Variants in RSPRY1 observed in about 807,000 individuals in gnomAD.
RSPRY1 encodes RING finger and SPRY domain-containing protein 1.
Under a neutral mutation model 73.1 loss-of-function variants are expected in RSPRY1, and 23 were observed. The observed-to-expected ratio is 0.31, with a 90% CI of 0.23 to 0.45. The LOEUF (loss-of-function observed/expected upper bound fraction) is 0.45. RSPRY1 is among the 20% of genes least tolerant of loss of function. The probability of loss-of-function intolerance (pLI) is 1.00; values close to 1 mark genes in which losing one functional copy is unlikely to be tolerated. For synonymous variants in RSPRY1, 226 were observed against 251.4 expected (o/e 0.90, Z 0.95); for missense variants, 448 against 698.7 (o/e 0.64, Z 4.05).
chr16:57,230,751 A>G lies in RSPRY1; in HGVS notation c.1314A>G (p.Gln438=), dbSNP rs1451448430. 1 of 1,611,528 alleles carries G rather than the reference A, an allele frequency of 6.2e-7. No individual in the cohort carries two copies. The highest frequency in any genetic ancestry group is 1.7e-5 in the Admixed American group (1 of 60,024). ...VGFLLDLNEK[Q]MIFFLNGNQL... Reference sequence around the variant, plus strand: ...TTCTGTTAGACTTGAATGAAAAGCAAATGATCTTCTTTTTAAATGGCAACC... The same window carrying G: ...TTCTGTTAGACTTGAATGAAAAGCAGATGATCTTCTTTTTAAATGGCAACC... Residue 438 remains glutamine (Q), a synonymous_variant, in exon 12 of 15, where the codon CAA becomes CAG. Coordinates refer to ENST00000394420, the MANE Select transcript of RSPRY1 (RefSeq NM_133368.3).
intron 8 of RSPRY1, among the ~76,000 whole-genome samples, chr16:57,218,805 G>A (rs2074986027): frequency 1.0e-5 from 1 of 99,714 alleles, no homozygotes; most frequent in Admixed American, 1.3e-4. Flanking sequence ...GCGGGATCTC[G>A]GCTCACTGCA....
chr16:57,232,802 A>G (rs1304870993), intron 13 of RSPRY1, among the ~76,000 whole-genome samples: 1 of 152,182 alleles, frequency 6.6e-6, no homozygotes, highest in Non-Finnish European at 1.5e-5. Flanking sequence ...TAAATTTGGT[A>G]CCCAAAGTTC....
chr16:57,211,482 T>C (rs2074843092), intron 4 of RSPRY1, among the ~76,000 whole-genome samples: 1 of 152,108 alleles, frequency 6.6e-6, no homozygotes, highest in South Asian at 2.1e-4. Context: ...GGCAGGAGAA[T>C]CACTTGAACT....
At chr16:57,190,129 C>T (rs537129542) in intron 1 of RSPRY1, among the ~76,000 whole-genome samples, 102 of 152,036 alleles carry the variant, frequency 6.7e-4, no homozygotes, top group Non-Finnish European at 1.3e-3. Context: ...ACACTTTGGG[C>T]GGCCAAGGCG....
At chr16:57,221,231 A>G (rs368358320) in intron 9 of RSPRY1, 41 bp from the exon 10 acceptor site, 72 of 1,608,002 alleles carry the variant, frequency 4.5e-5, no homozygotes, top group Middle Eastern at 3.9e-4. Flanking sequence ...GGTGGTCTTC[A>G]GGCCCTCATA....
At chr16:57,216,881 A>C (rs1434980533) in intron 7 of RSPRY1, 23 bp from the exon 8 acceptor site, 3 of 1,607,602 alleles carry the variant, frequency 1.9e-6, no homozygotes, top group Non-Finnish European at 2.6e-6. Context: ...TTGTTAATTC[A>C]AGGATTATGT....
intron 2 of RSPRY1, among the ~76,000 whole-genome samples, chr16:57,205,976 T>TA (rs1341311234): frequency 1.3e-5 from 2 of 152,240 alleles, no homozygotes; most frequent in African/African-American, 4.8e-5. Flanking sequence ...TAATCGCATT[T>TA]ATAGAAACCC....
intron 1 of RSPRY1, among the ~76,000 whole-genome samples, chr16:57,199,285 G>A (rs2146201794): frequency 6.6e-6 from 1 of 152,326 alleles, no homozygotes; most frequent in Middle Eastern, 3.4e-3. Flanking sequence ...ACGAAGTCAA[G>A]AGTTTGAGAC....
intron 6 of RSPRY1, among the ~76,000 whole-genome samples, chr16:57,215,215 A>G (rs1441496646): frequency 6.6e-6 from 1 of 152,230 alleles, no homozygotes; most frequent in Non-Finnish European, 1.5e-5. Flanking sequence ...GCAGAAGTCC[A>G]GAGACAGAGA....
chr16:57,235,901 C>A (rs1475383300), intron 14 of RSPRY1, among the ~76,000 whole-genome samples: 3 of 152,210 alleles, frequency 2.0e-5, no homozygotes, highest in African/African-American at 7.2e-5. Flanking sequence ...AGTTTGTCAT[C>A]CCCAGGAATG....
chr16:57,210,314 A>G (rs2074815820), intron 4 of RSPRY1, among the ~76,000 whole-genome samples: 1 of 152,082 alleles, frequency 6.6e-6, no homozygotes, highest in Non-Finnish European at 1.5e-5. Flanking sequence ...TCCTGGGCTC[A>G]AGGGATCCTC....
chr16:57,192,353 TA>T (rs1376257609), intron 1 of RSPRY1, among the ~76,000 whole-genome samples: 1 of 152,214 alleles, frequency 6.6e-6, no homozygotes, highest in Non-Finnish European at 1.5e-5. Context: ...CCACAAGTAC[TA>T]CGGAATATTA....
intron 5 of RSPRY1, 73 bp downstream of exon 5, chr16:57,213,171 T>C (rs2074877104): frequency 7.0e-7 from 1 of 1,431,602 alleles, no homozygotes; most frequent in South Asian, 1.3e-5. Flanking sequence ...ACTGTATGTC[T>C]TTGATCAAAC....
upstream of RSPRY1, chr16:57,186,191 G>C (rs1272339566): frequency 1.2e-5 from 12 of 985,584 alleles, no homozygotes; most frequent in African/African-American, 7.0e-5. Context: ...TCTGCGCCTG[G>C]AGGGCGGGCC....
chr16:57,238,799 T>G lies in RSPRY1; in HGVS notation c.1635-80T>G, dbSNP rs879034162. 2.2e-5 allele frequency: 15 copies of G among 685,016 alleles called. No individual in the cohort carries two copies. In the South Asian group the frequency reaches 3.8e-4, roughly 17 times the overall value. 42.4% of individuals were successfully genotyped at this position (685,016 alleles called of 1,614,324 possible). On this transcript the variant is annotated intron_variant, in intron 14 of 14. Transcript: ENST00000394420. ...CTTTCAATGAACAAACTTGTTAACATTTTTGATTTAGTTGGCAGGCAGTTG... is the reference window on the plus strand; with the variant it reads ...CTTTCAATGAACAAACTTGTTAACAGTTTTGATTTAGTTGGCAGGCAGTTG...
chr16:57,229,690 CTTTTTTTTTTTTTTTTTTTTT>C (rs1162737560), intron 11 of RSPRY1, among the ~76,000 whole-genome samples: 1 of 42,102 alleles, frequency 2.4e-5, no homozygotes, highest in Non-Finnish European at 4.0e-5. Context: ...AAGATAAATG[CTTTTTTTTTTTTTTTTTTTTT>C]TTTTTTTTTT....
chr16:57,215,445 G>A (rs1456537394), intron 6 of RSPRY1, among the ~76,000 whole-genome samples: 3 of 152,184 alleles, frequency 2.0e-5, no homozygotes, highest in Non-Finnish European at 1.5e-5. Context: ...TGATGTTCTG[G>A]AGCTCCTCTG....
intron 11 of RSPRY1, among the ~76,000 whole-genome samples, chr16:57,228,095 G>A (rs945911830): frequency 5.9e-5 from 9 of 152,014 alleles, no homozygotes; most frequent in African/African-American, 2.2e-4. Context: ...CCAACATGGT[G>A]AAACCTCATC....
chr16:57,187,706 T>G (rs2074263050), intron 1 of RSPRY1, among the ~76,000 whole-genome samples: 1 of 152,248 alleles, frequency 6.6e-6, no homozygotes, highest in Admixed American at 6.5e-5. Context: ...ACAGTCGTTG[T>G]CTGTCACCTG....
Sources: allele counts gnomAD v4.1 joint callset (sites outside exome capture counted in the v4.1 genomes callset), GRCh38; gene constraint gnomAD v4.1.1; transcripts MANE v1.5; gene names NCBI Gene and HGNC (gene_info 2026-07-23, HGNC 2026-07-21).